The following CBLIF variants were observed in gnomAD, a reference collection of about 807,000 sequenced individuals.
CBLIF encodes the protein cobalamin binding intrinsic factor, also known as gastric intrinsic factor (vitamin B synthesis).
In CBLIF, 24 loss-of-function variants were observed where a neutral mutation model predicts 44.9. That is an observed-to-expected ratio of 0.53 (90% CI 0.39 to 0.75). CBLIF has a LOEUF of 0.75. Ranked by LOEUF, CBLIF falls within the 30% of genes least tolerant of loss-of-function variation. The probability of loss-of-function intolerance (pLI) is 0.00; values close to 1 mark genes in which losing one functional copy is unlikely to be tolerated. For synonymous variants in CBLIF, 183 were observed against 190.9 expected, an observed-to-expected ratio of 0.96 and a Z score of 0.34; for missense variants, 481 against 513.0, an observed-to-expected ratio of 0.94 and a Z score of 0.60.
intron 8 of CBLIF, among the ~76,000 whole-genome samples, chr11:59,830,564 T>C (rs1866361562): frequency 6.6e-6 from 1 of 152,132 alleles, no homozygotes; most frequent in African/African-American, 2.4e-5. Context: ...TGTGGGTACA[T>C]AGTAGGTGTG....
chr11:59,831,473 T>A (rs1476720595), intron 8 of CBLIF: 1 of 214,032 alleles, frequency 4.7e-6, no homozygotes, highest in Admixed American at 5.7e-5. Context: ...TTTCTCTATG[T>A]AATGATTATA....
At chr11:59,841,584 A>T (rs1866529940) in intron 4 of CBLIF, among the ~76,000 whole-genome samples, 1 of 152,210 alleles carries the variant, frequency 6.6e-6, no homozygotes, top group South Asian at 2.1e-4. Context: ...TGACAACCAG[A>T]AGTAAATAAG....
chr11:59,835,830 G>C lies in CBLIF; in HGVS notation c.1051C>G (p.Gln351Glu), dbSNP rs893748423. 1.2e-6 allele frequency: 2 copies of C among 1,613,492 alleles called. No individual in the cohort carries two copies. Among genetic ancestry groups the C allele is most frequent in the Admixed American group, 3.3e-5 (2 of 60,010 alleles). The change falls in exon 7 of 9, where the codon CAG becomes GAG. Residue 351 changes from glutamine (Q) to glutamate (E), a missense_variant. Gln to Glu is a conservative substitution (Grantham distance 29, BLOSUM62 2). Coordinates refer to ENST00000257248, the MANE Select transcript of CBLIF (RefSeq NM_005142.3). ...SVLLVVLEEAQRKNPMFKFET... is the reference protein window; with the variant it reads ...SVLLVVLEEAERKNPMFKFET... Reference sequence around the variant, plus strand: ...CACTTGAACATAGGATTTTTGCGCTGTGCTTCCTCTAGGACAACAAGTAAC... The same window carrying C: ...CACTTGAACATAGGATTTTTGCGCTCTGCTTCCTCTAGGACAACAAGTAAC...
In CBLIF at chr11:59,829,506, G is replaced by T; in HGVS notation, c.1232C>A (p.Thr411Lys). 1 of 1,610,474 alleles carries T rather than the reference G, an allele frequency of 6.2e-7. No homozygotes were observed. Among genetic ancestry groups the T allele is most frequent in the Non-Finnish European group, 8.5e-7 (1 of 1,176,652 alleles). The change falls in exon 9 of 9, where the codon ACA becomes AAA. Residue 411 changes from threonine (T) to lysine (K), a missense_variant. Transcript: ENST00000257248. The part of the protein sequence containing the change: ...DYIPFNHEHI[T>K]ANFTQY ...TCGTTAGTACTGTGTGAAATTGGCT[G>T]TGATGTGCTCGTGGTTGAAGGGTAT...
At chr11:59,844,255 A>G (rs374874690) in intron 1 of CBLIF, among the ~76,000 whole-genome samples, 200 bp from the exon 2 acceptor site, 8 of 152,060 alleles carry the variant, frequency 5.3e-5, no homozygotes, top group African/African-American at 1.7e-4. Flanking sequence ...CTCCTGCCTC[A>G]GCTTCCTGAG....
At position 59,831,739 on chromosome 11, in the gene CBLIF, C is replaced by T. The variant is rs747566840; in HGVS notation, c.1131G>A (p.Ala377=). Residue 377 remains alanine (A), a synonymous_variant, in exon 8 of 9, where the codon GCG becomes GCA. Transcript: ENST00000257248. ...GLVVSSINNI[A]ENVNHKTYWQ... is the part of the protein sequence containing the mutation. ...AGTATGTCTTGTGATTAACATTTTC[C>T]GCGATATTGTTGATAGAAGAGACGA... 26 of 1,609,028 alleles carry T rather than the reference C, an allele frequency of 1.6e-5. No individual in the cohort carries two copies. Among genetic ancestry groups the T allele is most frequent in the South Asian group, 4.4e-5 (4 of 90,988 alleles).
Position 59,835,832 on chromosome 11 carries a change from G to T in CBLIF, c.1049C>A (p.Ala350Glu). The part of the protein sequence containing the change: ...GSVLLVVLEE[A>E]QRKNPMFKFE... ...CTTGAACATAGGATTTTTGCGCTGTGCTTCCTCTAGGACAACAAGTAACAC... is the reference window on the plus strand; with the variant it reads ...CTTGAACATAGGATTTTTGCGCTGTTCTTCCTCTAGGACAACAAGTAACAC... The change falls in exon 7 of 9, where the codon GCA (alanine) becomes GAA (glutamate). Residue 350 changes from alanine (A) to glutamate (E), a missense_variant. Transcript: ENST00000257248. The T allele has an allele frequency of 6.2e-7, 1 of 1,613,642 alleles. No homozygotes were observed. Among genetic ancestry groups the T allele is most frequent in the Non-Finnish European group, 8.5e-7 (1 of 1,179,520 alleles).
rs569997029 is a variant in CBLIF at position 59,842,744 on chromosome 11, G to C, written c.371-161C>G. 11 of 711,732 alleles carry C rather than the reference G, an allele frequency of 1.5e-5. No individual in the cohort carries two copies. In the East Asian group the frequency reaches 2.4e-4, roughly 16 times the overall value. 44.1% of individuals were successfully genotyped at this position (711,732 alleles called of 1,614,324 possible). A position where few individuals can be genotyped will look rare whatever the true frequency, so the allele number is the denominator to read the frequency against. Reference sequence around the variant, plus strand: ...AGAGCAACTTCAGTGTTTTTCAAAAGAATGTCATCAGGCATCTGCAAAGAA... The same window carrying C: ...AGAGCAACTTCAGTGTTTTTCAAAACAATGTCATCAGGCATCTGCAAAGAA... On this transcript the variant is annotated intron_variant, in intron 3 of 8. Coordinates refer to ENST00000257248, the MANE Select transcript of CBLIF (RefSeq NM_005142.3).
rs761587396 is a variant in CBLIF at position 59,843,122 on chromosome 11, G to T, written c.276C>A (p.Leu92=). ...AGGTGAGGGCCATGATGGTGAGGCCGAGCTGCCCAATGGTTAGATCTGCAG... is the reference window on the plus strand; with the variant it reads ...AGGTGAGGGCCATGATGGTGAGGCCTAGCTGCCCAATGGTTAGATCTGCAG... ...SDNNDLTIGQ[L]GLTIMALTSS... The change falls in exon 3 of 9, where the codon CTC becomes CTA. Residue 92 remains leucine (L), a synonymous_variant. Coordinates refer to ENST00000257248, the MANE Select transcript of CBLIF (RefSeq NM_005142.3). 1 of 1,611,350 alleles carries T rather than the reference G, an allele frequency of 6.2e-7. No individual in the cohort carries two copies. The highest frequency in any genetic ancestry group is 8.5e-7 in the Non-Finnish European group (1 of 1,177,510).
intron 5 of CBLIF, among the ~76,000 whole-genome samples, chr11:59,839,994 A>G (rs1352854360): frequency 1.3e-5 from 2 of 152,116 alleles, no homozygotes; most frequent in African/African-American, 4.8e-5. Flanking sequence ...TTCTTGTAAA[A>G]TTCAGCCATG....
chr11:59,836,329 C>G (rs1866456408), intron 6 of CBLIF, among the ~76,000 whole-genome samples: 1 of 151,966 alleles, frequency 6.6e-6, no homozygotes, highest in Non-Finnish European at 1.5e-5. Context: ...TTAATTGCTT[C>G]TTGTCTTAGG....
chr11:59,829,575 G>A (rs1162510870), intron 8 of CBLIF, 30 bp from the exon 9 acceptor site: 2 of 1,443,946 alleles, frequency 1.4e-6, no homozygotes, highest in Non-Finnish European at 2.0e-6. Flanking sequence ...AACATGAGGT[G>A]ACTGTGGTGC....
intron 2 of CBLIF, 28 bp from the exon 3 acceptor site, chr11:59,843,169 A>T (rs1866560174): frequency 7.3e-7 from 1 of 1,370,430 alleles, no homozygotes; most frequent in Non-Finnish European, 1.0e-6. Context: ...CAACGGTTAG[A>T]CAGAGACATC....
At chr11:59,841,989 C>T (rs549206616) in intron 4 of CBLIF, among the ~76,000 whole-genome samples, 21 of 152,190 alleles carry the variant, frequency 1.4e-4, no homozygotes, top group Non-Finnish European at 2.9e-5. Flanking sequence ...GGAAATATCA[C>T]GAGTTAGGGT....
intron 2 of CBLIF, among the ~76,000 whole-genome samples, chr11:59,843,425 G>C (rs1316014656): frequency 6.6e-6 from 1 of 152,142 alleles, no homozygotes; most frequent in East Asian, 1.9e-4. Flanking sequence ...TTTATATACA[G>C]AAATTTACAG....
At position 59,844,046 on chromosome 11, in the gene CBLIF, G is replaced by A; in HGVS notation, c.89C>T (p.Ser30Leu). ...TQTQSSCSVP[S>L]AQEPLVNGIQ... ...TCCATTGACCAAGGGCTCCTGTGCT[G>A]AGGGAACGGCTGAGAAGAGGAAAGC... is the stretch of plus-strand genomic sequence containing the variant. Residue 30 changes from serine to leucine, a missense_variant, in exon 2 of 9, where the codon TCA (serine) becomes TTA (leucine). By Grantham distance (145) the Ser-to-Leu change is moderately radical (BLOSUM62 -2). Transcript: ENST00000257248. The A allele has an allele frequency of 6.2e-7, 1 of 1,613,300 alleles. No individual in the cohort carries two copies. Among genetic ancestry groups the A allele is most frequent in the South Asian group, 1.1e-5 (1 of 91,050 alleles).
intron 4 of CBLIF, among the ~76,000 whole-genome samples, chr11:59,841,985 A>G (rs1866536917): frequency 2.0e-5 from 3 of 152,200 alleles, no homozygotes; most frequent in Non-Finnish European, 1.5e-5. Context: ...GAAGGGAAAT[A>G]TCACGAGTTA....
intron 3 of CBLIF, 74 bp from the exon 4 acceptor site, chr11:59,842,657 C>T: frequency 6.7e-7 from 1 of 1,499,678 alleles, no homozygotes; most frequent in South Asian, 1.1e-5. Context: ...AAGGAAAAGC[C>T]AAGCCTTTGA....
chr11:59,835,719 AG>A (rs1225227182), intron 7 of CBLIF, 88 bp downstream of exon 7: 1 of 1,074,656 alleles, frequency 9.3e-7, no homozygotes, highest in Non-Finnish European at 1.5e-6. Flanking sequence ...TGTTATCAAA[AG>A]GAAAAAAATT....
Sources: gnomAD v4.1 joint callset for allele counts (sites outside exome capture counted in the v4.1 genomes callset) on GRCh38, gnomAD v4.1.1 for gene constraint, MANE v1.5 for transcripts, NCBI Gene and HGNC (gene_info 2026-07-23, HGNC 2026-07-21) for gene names.